FGGY: variants seen among roughly 807,000 people sequenced by gnomAD.
FGGY encodes the protein FGGY carbohydrate kinase domain-containing protein.
Under a neutral mutation model 71.3 loss-of-function variants are expected in FGGY, and 72 were observed. The observed-to-expected ratio is 1.01, with a 90% CI of 0.84 to 1.23. The LOEUF (loss-of-function observed/expected upper bound fraction) is 1.23, where lower values mean the gene tolerates loss of function less well. Among genes scored for constraint, FGGY ranks in the 50% most tolerant of loss-of-function variants. The pLI, the probability that FGGY is intolerant of heterozygous loss-of-function variation, is 0.00. For synonymous variants in FGGY, 251 were observed against 250.3 expected, an observed-to-expected ratio of 1.00 and a Z score of -0.02; for missense variants, 668 against 682.3, an observed-to-expected ratio of 0.98 and a Z score of 0.23.
chr1:59,626,415 T>C (rs1260053536), intron 10 of FGGY: 1 of 176,904 alleles, frequency 5.7e-6, no homozygotes, highest in African/African-American at 2.4e-5. Context: ...TCTCTTCATC[T>C]GTAAAACTGA....
intron 2 of FGGY, among the ~76,000 whole-genome samples, chr1:59,332,380 GA>G (rs1160686625): frequency 1.3e-5 from 2 of 152,100 alleles, no homozygotes; most frequent in African/African-American, 4.8e-5. Flanking sequence ...CCATTAATAA[GA>G]ATATAAAAAA....
At chr1:59,602,621 T>C (rs1048340639) in intron 8 of FGGY, among the ~76,000 whole-genome samples, 18 of 152,298 alleles carry the variant, frequency 1.2e-4, no homozygotes, top group African/African-American at 4.3e-4. Flanking sequence ...AATCAAAATG[T>C]GTTTACAGCT....
chr1:59,330,772 G>C (rs753812651), intron 2 of FGGY, among the ~76,000 whole-genome samples: 21 of 152,106 alleles, frequency 1.4e-4, no homozygotes, highest in Non-Finnish European at 2.4e-4. Flanking sequence ...TTTCTAATAG[G>C]AAGAAGGAAA....
chr1:59,393,702 G>T (rs1377708335), intron 5 of FGGY, among the ~76,000 whole-genome samples: 1 of 152,158 alleles, frequency 6.6e-6, no homozygotes, highest in Non-Finnish European at 1.5e-5. Context: ...TCAGGAAAAT[G>T]ATCTCAGGGA....
intron 4 of FGGY, among the ~76,000 whole-genome samples, chr1:59,374,146 C>A (rs986226072): frequency 6.6e-6 from 1 of 152,090 alleles, no homozygotes; most frequent in East Asian, 1.9e-4. Context: ...ATTTTCACAA[C>A]CTACTCATCT....
chr1:59,297,352 G>A (rs1283335916), intron 1 of FGGY, among the ~76,000 whole-genome samples: 1 of 152,164 alleles, frequency 6.6e-6, no homozygotes, highest in African/African-American at 2.4e-5. Flanking sequence ...ATTCACGTCT[G>A]GCTACCGAAG....
At chr1:59,380,734 C>T (rs2059318944) in intron 5 of FGGY, among the ~76,000 whole-genome samples, 1 of 151,552 alleles carries the variant, frequency 6.6e-6, no homozygotes, top group African/African-American at 2.4e-5. Context: ...TTCTCCCATT[C>T]TGTAAGTTGC....
At chr1:59,447,224 T>C (rs1166503473) in intron 5 of FGGY, among the ~76,000 whole-genome samples, 1 of 152,246 alleles carries the variant, frequency 6.6e-6, no homozygotes, top group Non-Finnish European at 1.5e-5. Flanking sequence ...TAGCTTTACT[T>C]ACATTCCCTC....
intron 14 of FGGY, among the ~76,000 whole-genome samples, chr1:59,688,380 C>T (rs529592641): frequency 6.6e-6 from 1 of 152,174 alleles, no homozygotes. Flanking sequence ...GTCCTAGAAC[C>T]TGTTTATGGG....
chr1:59,530,434 T>A (rs1294958361), intron 7 of FGGY, among the ~76,000 whole-genome samples: 1 of 152,232 alleles, frequency 6.6e-6, no homozygotes, highest in Non-Finnish European at 1.5e-5. Context: ...TTATAGTCTC[T>A]GTCCTCAAAG....
chr1:59,662,500 A>T (rs1572836241), intron 12 of FGGY, among the ~76,000 whole-genome samples: 1 of 152,100 alleles, frequency 6.6e-6, no homozygotes, highest in African/African-American at 2.4e-5. Flanking sequence ...CAGAGGTGGG[A>T]TTTGAACCCC....
At chr1:59,644,462 G>A (rs2097069517) in intron 11 of FGGY, among the ~76,000 whole-genome samples, 1 of 152,166 alleles carries the variant, frequency 6.6e-6, no homozygotes, top group Non-Finnish European at 1.5e-5. Flanking sequence ...ACCCCACTAT[G>A]TAAACATTTC....
At chr1:59,626,250 T>G (rs1186361530) in intron 10 of FGGY, 5 of 508,158 alleles carry the variant, frequency 9.8e-6, no homozygotes, top group African/African-American at 1.9e-5. Context: ...AACCTAGAGA[T>G]ACCCCAAGAA....
At chr1:59,557,008 C>T (rs2095698564) in intron 8 of FGGY, among the ~76,000 whole-genome samples, 1 of 152,074 alleles carries the variant, frequency 6.6e-6, no homozygotes, top group Non-Finnish European at 1.5e-5. Flanking sequence ...GATTAATCAT[C>T]AGCTTTAATG....
chr1:59,590,225 A>T (rs1334011401), intron 8 of FGGY, among the ~76,000 whole-genome samples: 2 of 152,192 alleles, frequency 1.3e-5, no homozygotes, highest in East Asian at 3.9e-4. Context: ...ACACCCTCCC[A>T]AGCCTAAACC....
At chr1:59,688,764 T>G (rs1443265825) in intron 14 of FGGY, among the ~76,000 whole-genome samples, 1 of 151,990 alleles carries the variant, frequency 6.6e-6, no homozygotes, top group Non-Finnish European at 1.5e-5. Flanking sequence ...TTTTTTTTTT[T>G]TTTGAGATGG....
At chr1:59,728,338 C>T (rs2097975646) in intron 14 of FGGY, among the ~76,000 whole-genome samples, 1 of 152,020 alleles carries the variant, frequency 6.6e-6, no homozygotes, top group South Asian at 2.1e-4. Flanking sequence ...CCTTCCTATC[C>T]ATTATAACAT....
chr1:59,409,596 T>TATATATATATATATATATATATATATATA (rs1557833921), intron 5 of FGGY, among the ~76,000 whole-genome samples: 2 of 84,030 alleles, frequency 2.4e-5, no homozygotes, highest in Admixed American at 2.6e-4. Flanking sequence ...AGGAAGAGTT[T>TATATATATATATATATATATATATATATA]TTTATATATA....
chr1:59,421,353 G>T (rs1240351436), intron 5 of FGGY, among the ~76,000 whole-genome samples: 1 of 151,970 alleles, frequency 6.6e-6, no homozygotes, highest in Non-Finnish European at 1.5e-5. Flanking sequence ...GCTATTTTTT[G>T]AAAGATACCT....
Sources: gnomAD v4.1 joint callset for allele counts (sites outside exome capture counted in the v4.1 genomes callset) on GRCh38, gnomAD v4.1.1 for gene constraint, MANE v1.5 for transcripts, NCBI Gene and HGNC (gene_info 2026-07-23, HGNC 2026-07-21) for gene names.